The following SERPINB9 variants were observed in gnomAD, a reference collection of about 807,000 sequenced individuals.
SERPINB9 encodes the protein serpin B9.
A neutral mutation model predicts 27.2 loss-of-function variants in SERPINB9; 20 were observed. The ratio of observed to expected loss-of-function variants is 0.74; its 90% CI spans 0.52 to 1.07. The LOEUF (loss-of-function observed/expected upper bound fraction) is 1.07. Ranked by LOEUF, SERPINB9 falls within the 50% of genes least tolerant of loss-of-function variation. The probability of loss-of-function intolerance (pLI) is 0.00; values close to 1 mark genes in which losing one functional copy is unlikely to be tolerated. For synonymous variants in SERPINB9, 189 were observed against 180.0 expected (o/e 1.05, Z -0.40); for missense variants, 476 against 460.1 (o/e 1.03, Z -0.32).
In SERPINB9 at chr6:2,893,485, T is replaced by C. The variant is rs757761455; in HGVS notation, c.493A>G (p.Ile165Val). 1.2e-6 allele frequency: 2 copies of C among 1,613,450 alleles called. No individual in the cohort carries two copies. Among genetic ancestry groups the C allele is most frequent in the Non-Finnish European group, 1.7e-6 (2 of 1,179,642 alleles). Reference sequence around the variant, plus strand: ...TCATTCCACTTTCCTTTGAAGTAGATGGCATTGACAAGAACCAGCCTGGTT... The same window carrying C: ...TCATTCCACTTTCCTTTGAAGTAGACGGCATTGACAAGAACCAGCCTGGTT... ...AETRLVLVNA[I>V]YFKGKWNEPF... Residue 165 changes from isoleucine (I) to valine (V), a missense_variant, in exon 5 of 7, where the codon ATC (isoleucine) becomes GTC (valine). Ile to Val is a conservative substitution (Grantham distance 29). Coordinates refer to ENST00000380698, the MANE Select transcript of SERPINB9 (RefSeq NM_004155.6).
At position 2,903,117 on chromosome 6, in the gene SERPINB9, G is replaced by A. The variant is rs115205633; in HGVS notation, c.-11+84C>T. 0.023 allele frequency: 3,547 copies of A among 152,056 alleles called. 57 individuals are homozygous for A. The highest frequency in any genetic ancestry group is 0.031 in the Non-Finnish European group (2,131 of 68,064). 9.4% of individuals were successfully genotyped at this position (152,056 alleles called of 1,614,324 possible). A position where few individuals can be genotyped will look rare whatever the true frequency, so the allele number is the denominator to read the frequency against. On this transcript the variant is annotated intron_variant, in intron 1 of 6. Coordinates refer to ENST00000380698, the MANE Select transcript of SERPINB9 (RefSeq NM_004155.6). This position sits in a 1 kb window ranked among gnomAD's most constrained non-coding sequence, Gnocchi z 5.2. The stretch of plus-strand genomic sequence containing the variant: ...GGCTGAGCGACCTCTCCTGTCCTCC[G>A]GTCCCATCACTCGGTGGCAGCCGGT...
intron 1 of SERPINB9, among the ~76,000 whole-genome samples, chr6:2,901,902 C>G (rs1197536728): frequency 6.6e-6 from 1 of 152,078 alleles, no homozygotes; most frequent in Admixed American, 6.5e-5. Flanking sequence ...CGCTGGAGAG[C>G]CTTGGACAAT....
In SERPINB9 at chr6:2,887,995, C is replaced by T. The variant is rs1313595766; in HGVS notation, c.*2168G>A. ...CTGTCACTCGTGTTCTAAAAACAAA[C>T]AAATGTCTTTCATCTCATTTTTTAC... On this transcript the variant is annotated 3_prime_UTR_variant, in exon 7 of 7. Transcript: ENST00000380698. 1 of 151,620 alleles carries T rather than the reference C, an allele frequency of 6.6e-6. No homozygotes were observed. Among genetic ancestry groups the T allele is most frequent in the Admixed American group, 6.6e-5 (1 of 15,194 alleles). The allele number at this position is 151,620 out of a possible 1,614,324, so 9.4% of individuals were successfully genotyped here.
At chr6:2,892,468 A>C (rs569043739) in intron 5 of SERPINB9, among the ~76,000 whole-genome samples, 1 of 152,216 alleles carries the variant, frequency 6.6e-6, no homozygotes, top group East Asian at 1.9e-4. Flanking sequence ...TCTCAGAAAG[A>C]GTAACGACCT....
Position 2,896,157 on chromosome 6 carries a change from GATGA to G in SERPINB9, c.198_201del (p.His67GlyfsTer10). 6.2e-7 allele frequency: 1 copy of G among 1,614,020 alleles called. No individual in the cohort carries two copies. Among genetic ancestry groups the G allele is most frequent in the Non-Finnish European group, 8.5e-7 (1 of 1,179,938 alleles). On this transcript the variant is annotated frameshift_variant, in exon 3 of 7. Coordinates refer to ENST00000380698, the MANE Select transcript of SERPINB9 (RefSeq NM_004155.6). LOFTEE classifies it high-confidence loss of function. The stretch of plus-strand genomic sequence containing the variant: ...TCAGTGAGAAGCGACTGGAAAGCCC[GATGA>G]ATGTCTTCCTCTGTGTTTAAAGACA...
chr6:2,890,600 C>A lies in SERPINB9; in HGVS notation c.724-30G>T, dbSNP rs778601056. On this transcript the variant is annotated intron_variant, in intron 6 of 6. Coordinates refer to ENST00000380698, the MANE Select transcript of SERPINB9 (RefSeq NM_004155.6). This position sits in a 1 kb window ranked among gnomAD's most constrained non-coding sequence, Gnocchi z 6.2. ...AAGACCAGAATTAGACTTTAAGATT[C>A]CGACTTCAGTGCACATGTACAAGCG... 1.3e-6 allele frequency: 2 copies of A among 1,584,462 alleles called. No homozygotes were observed. Among genetic ancestry groups the A allele is most frequent in the South Asian group, 1.1e-5 (1 of 87,212 alleles).
At chr6:2,897,236 C>A (rs935751931) in intron 2 of SERPINB9, among the ~76,000 whole-genome samples, 1 of 152,042 alleles carries the variant, frequency 6.6e-6, no homozygotes, top group Non-Finnish European at 1.5e-5. Flanking sequence ...GGGGCCGAGG[C>A]GGGCAGATCA....
intron 5 of SERPINB9, among the ~76,000 whole-genome samples, 199 bp downstream of exon 5, chr6:2,893,201 TATTATATATAC>T (rs1325387152): frequency 5.5e-5 from 8 of 144,394 alleles, no homozygotes; most frequent in Non-Finnish European, 1.1e-4. Context: ...TATATATATA[TATTATATATAC>T]GTATATATAA....
intron 5 of SERPINB9, among the ~76,000 whole-genome samples, chr6:2,892,389 A>C (rs1405404115): frequency 6.6e-6 from 1 of 152,212 alleles, no homozygotes; most frequent in Non-Finnish European, 1.5e-5. Context: ...TATGAGAAAA[A>C]AAATCATAAA....
intron 2 of SERPINB9, chr6:2,900,054 C>A: frequency 2.6e-6 from 1 of 389,582 alleles, no homozygotes; most frequent in Non-Finnish European, 5.1e-6. Flanking sequence ...CAACTTGAAA[C>A]AGGTATTAAC....
Position 2,896,165 on chromosome 6 carries a change from T to C in SERPINB9, c.194A>G (p.Asp65Gly). 1 of 1,614,064 alleles carries C rather than the reference T, an allele frequency of 6.2e-7. No homozygotes were observed. The highest frequency in any genetic ancestry group is 1.3e-5 in the African/African-American group (1 of 75,044). ...AQALSLNTEE[D>G]IHRAFQSLLT... ...AAGCGACTGGAAAGCCCGATGAATG[T>C]CTTCCTCTGTGTTTAAAGACAGTGC... Residue 65 changes from aspartate (D) to glycine (G), a missense_variant, in exon 3 of 7, where the codon GAC becomes GGC. Asp to Gly is a moderately conservative substitution (Grantham distance 94, BLOSUM62 -1). Coordinates refer to ENST00000380698, the MANE Select transcript of SERPINB9 (RefSeq NM_004155.6).
chr6:2,890,414 G>A lies in SERPINB9; in HGVS notation c.880C>T (p.Gln294Ter). 12 of 1,614,148 alleles carry A rather than the reference G, an allele frequency of 7.4e-6. No individual in the cohort carries two copies. Among genetic ancestry groups the A allele is most frequent in the Non-Finnish European group, 1.0e-5 (12 of 1,180,034 alleles). ...LRHLGIVDAF[Q>*]QGKADLSAMS... ...GCCGACAAGTCAGCCTTGCCCTGTT[G>A]GAAGGCATCAACAATTCCCAAATGC... Residue 294 changes from glutamine to a stop codon, truncating the protein, a stop_gained, in exon 7 of 7, where the codon CAA becomes TAA. Transcript: ENST00000380698. LOFTEE classifies it low-confidence loss of function (END_TRUNC). The surrounding 1 kb of genome is among the most constrained non-coding windows in gnomAD (Gnocchi z 6.2).
intron 4 of SERPINB9, 101 bp downstream of exon 4, chr6:2,895,290 G>T (rs1767954153): frequency 2.8e-6 from 2 of 704,204 alleles, no homozygotes; most frequent in South Asian, 3.5e-5. Context: ...ATAGGAGGGA[G>T]AGGAGGAGGA....
At position 2,887,505 on chromosome 6, in the gene SERPINB9, T is replaced by C. The variant is rs1767637868; in HGVS notation, c.*2658A>G. 1 of 152,202 alleles carries C rather than the reference T, an allele frequency of 6.6e-6. No homozygotes were observed. Among genetic ancestry groups the C allele is most frequent in the South Asian group, 2.1e-4 (1 of 4,832 alleles). 9.4% of individuals were successfully genotyped at this position (152,202 alleles called of 1,614,324 possible). On this transcript the variant is annotated 3_prime_UTR_variant, in exon 7 of 7. Transcript: ENST00000380698. ...ACTAATAAAAGAAATGCAATAAGTA[T>C]CTGCATATGATACATAATGTTGCAG...
At position 2,890,589 on chromosome 6, in the gene SERPINB9, A is replaced by G; in HGVS notation, c.724-19T>C. On this transcript the variant is annotated intron_variant, in intron 6 of 6. Coordinates refer to ENST00000380698, the MANE Select transcript of SERPINB9 (RefSeq NM_004155.6). This position sits in a 1 kb window ranked among gnomAD's most constrained non-coding sequence, Gnocchi z 6.2. Reference sequence around the variant, plus strand: ...TTTCCACCTGAAAGACCAGAATTAGACTTTAAGATTCCGACTTCAGTGCAC... The same window carrying G: ...TTTCCACCTGAAAGACCAGAATTAGGCTTTAAGATTCCGACTTCAGTGCAC... 2.5e-6 allele frequency: 4 copies of G among 1,594,780 alleles called. No individual in the cohort carries two copies. Among genetic ancestry groups the G allele is most frequent in the Non-Finnish European group, 3.4e-6 (4 of 1,167,800 alleles).
At chr6:2,898,153 A>AGAGG (rs998665402) in intron 2 of SERPINB9, among the ~76,000 whole-genome samples, 3 of 152,172 alleles carry the variant, frequency 2.0e-5, no homozygotes, top group Non-Finnish European at 4.4e-5. Flanking sequence ...AAAAAAAATA[A>AGAGG]GAGGGAGAGA....
intron 3 of SERPINB9, 52 bp downstream of exon 3, chr6:2,896,001 T>C (rs1767983749): frequency 1.3e-6 from 2 of 1,551,360 alleles, no homozygotes; most frequent in Non-Finnish European, 1.7e-6. Context: ...CCAGACTCTA[T>C]ATCACCAGGT....
rs1767753410 is a variant in SERPINB9, at chr6:2,890,368, A to AGG, written c.924_925dup (p.Leu309ProfsTer15). 1 of 1,614,114 alleles carries AGG rather than the reference A, an allele frequency of 6.2e-7. No individual in the cohort carries two copies. The highest frequency in any genetic ancestry group is 1.7e-5 in the Admixed American group (1 of 60,014). On this transcript the variant is annotated frameshift_variant, in exon 7 of 7. Coordinates refer to ENST00000380698, the MANE Select transcript of SERPINB9 (RefSeq NM_004155.6). LOFTEE classifies it low-confidence loss of function (END_TRUNC). The surrounding 1 kb of genome is among the most constrained non-coding windows in gnomAD (Gnocchi z 6.2). ...CTTGTGCACGAACTTGGACAGACAC[A>AGG]GGTCTCTCTCCGCTGACATTGCCGA...
In SERPINB9 at chr6:2,896,052, C is replaced by T. The variant is rs761574966; in HGVS notation, c.306+1G>A. The T allele has an allele frequency of 1.9e-6, 3 of 1,611,994 alleles. No individual in the cohort carries two copies. In the South Asian group the frequency reaches 3.3e-5, roughly 18 times the overall value. On this transcript the variant is annotated splice_donor_variant, in intron 3 of 6. Transcript: ENST00000380698. LOFTEE classifies it high-confidence loss of function. The stretch of plus-strand genomic sequence containing the variant: ...TTTATTGTTCTATTGATTCAACTTA[C>T]TGAGAGGAACTGACAAGTTTTCTCT...
Sources: gnomAD v4.1 joint callset for allele counts (sites outside exome capture counted in the v4.1 genomes callset) on GRCh38, gnomAD v4.1.1 for gene constraint, Gnocchi (gnomAD v3.1) non-coding constraint, MANE v1.5 for transcripts, NCBI Gene and HGNC (gene_info 2026-07-23, HGNC 2026-07-21) for gene names.